GNG2: variants seen among roughly 807,000 people sequenced by gnomAD.
GNG2 encodes the protein G protein subunit gamma 2.
GNG2 carries 5 observed loss-of-function variants against 5.5 expected under a neutral mutation model. The ratio of observed to expected loss-of-function variants is 0.91; its 90% CI spans 0.48 to 1.92. The LOEUF is 1.92. Ranked by LOEUF, GNG2 falls within the 30% of genes most tolerant of loss-of-function variation. GNG2 has a pLI of 0.01. For synonymous variants in GNG2, 28 were observed against 32.0 expected, an observed-to-expected ratio of 0.88 and a Z score of 0.42; for missense variants, 55 against 88.4, an observed-to-expected ratio of 0.62 and a Z score of 1.52.
chr14:51,886,658 G>A (rs1210602502), intron 2 of GNG2, among the ~76,000 whole-genome samples: 3 of 152,182 alleles, frequency 2.0e-5, no homozygotes, highest in Non-Finnish European at 4.4e-5. Context: ...AGTGGGGAGA[G>A]GACCTCCTTA....
chr14:51,943,442 AT>A (rs1414009578), intron 2 of GNG2, among the ~76,000 whole-genome samples: 1 of 152,228 alleles, frequency 6.6e-6, no homozygotes. Flanking sequence ...CAAAGAATAT[AT>A]GATGTGTGTC....
intron 2 of GNG2, among the ~76,000 whole-genome samples, chr14:51,932,981 G>A (rs888285041): frequency 1.3e-5 from 2 of 152,152 alleles, no homozygotes; most frequent in African/African-American, 2.4e-5. Context: ...AAAAGGCCAC[G>A]TGACCACAGA....
intron 2 of GNG2, among the ~76,000 whole-genome samples, chr14:51,831,890 C>T (rs985052882): frequency 5.9e-5 from 9 of 152,306 alleles, no homozygotes; most frequent in African/African-American, 1.7e-4. Context: ...TAAAGATTCT[C>T]TTCTCACTGT....
chr14:51,904,808 G>A (rs947291414), intron 2 of GNG2, among the ~76,000 whole-genome samples: 2 of 152,144 alleles, frequency 1.3e-5, no homozygotes, highest in Admixed American at 6.5e-5. Context: ...GCAAGTTGTC[G>A]ATCAGCTTCA....
intron 2 of GNG2, among the ~76,000 whole-genome samples, chr14:51,850,096 A>C (rs1881837289): frequency 6.6e-6 from 1 of 152,242 alleles, no homozygotes; most frequent in Non-Finnish European, 1.5e-5. Flanking sequence ...TCACGGAATT[A>C]AAACTTTGTT....
At chr14:51,960,064 A>T (rs1253640) in intron 3 of GNG2, among the ~76,000 whole-genome samples, 81,250 of 151,440 alleles carry the variant, frequency 0.54, 22,672 homozygotes, top group East Asian at 0.7. Context: ...ATATCTTCAA[A>T]TATTTTTTCT....
At chr14:51,939,157 G>T (rs1008224149) in intron 2 of GNG2, among the ~76,000 whole-genome samples, 1 of 151,386 alleles carries the variant, frequency 6.6e-6, no homozygotes, top group Non-Finnish European at 1.5e-5. Context: ...TCTTTTTTCC[G>T]TGGAGTGAAC....
intron 2 of GNG2, among the ~76,000 whole-genome samples, chr14:51,895,276 G>A (rs1885121703): frequency 6.6e-6 from 1 of 152,088 alleles, no homozygotes; most frequent in Non-Finnish European, 1.5e-5. Context: ...ATAATGCCAG[G>A]CCAAAATGAT....
intron 2 of GNG2, among the ~76,000 whole-genome samples, chr14:51,910,331 G>A (rs568386071): frequency 1.5e-3 from 227 of 152,312 alleles, no homozygotes; most frequent in African/African-American, 5.3e-3. Flanking sequence ...GGCTAGCTAA[G>A]GAACTGAAAA....
At chr14:51,868,768 G>C (rs759284875) in intron 1 of GNG2, among the ~76,000 whole-genome samples, 3 of 152,120 alleles carry the variant, frequency 2.0e-5, no homozygotes, top group African/African-American at 7.2e-5. Context: ...GCAGCTTTTC[G>C]ATAAACTTTG....
Position 51,832,704 on chromosome 14 carries a change from C to A in GNG2, c.64+4897C>A, listed in dbSNP as rs142831851. ...TGTCCTCACAAGGCAGGCAGGGAAA[C>A]CAAGCTCTCTAGTGTCTCTTCTTAT... is the stretch of plus-strand genomic sequence containing the variant. On this transcript the variant is annotated intron_variant, in intron 2 of 3. Coordinates refer to the GNG2 transcript ENST00000553432. 6.6e-3 allele frequency among the ~76,000 whole-genome samples: 998 copies of A among 152,346 alleles called. 44 individuals carry two copies. Among genetic ancestry groups the A allele is most frequent in the Admixed American group, 0.061 (929 of 15,308 alleles).
At chr14:51,908,114 C>T (rs1489318599) in intron 2 of GNG2, among the ~76,000 whole-genome samples, 1 of 152,238 alleles carries the variant, frequency 6.6e-6, no homozygotes, top group East Asian at 1.9e-4. Flanking sequence ...TTAGCCAGGG[C>T]AGCTGTCATC....
intron 1 of GNG2, among the ~76,000 whole-genome samples, chr14:51,869,998 G>A (rs555107798): frequency 1.4e-4 from 22 of 152,134 alleles, no homozygotes; most frequent in African/African-American, 5.3e-4. Context: ...CCAGCAAAAG[G>A]GTCTGGTTCT....
intron 2 of GNG2, among the ~76,000 whole-genome samples, chr14:51,848,890 C>T (rs1452975696): frequency 2.0e-5 from 3 of 152,128 alleles, no homozygotes; most frequent in Admixed American, 6.5e-5. Context: ...ACTTTCTACC[C>T]GCTGGTCTAA....
chr14:51,940,135 T>C (rs1888231193), intron 2 of GNG2: 2 of 152,230 alleles, frequency 1.3e-5, no homozygotes, highest in African/African-American at 4.8e-5. Context: ...TTTTGGCCTG[T>C]AAAATCTAAT....
At position 51,899,333 on chromosome 14, in the gene GNG2, G is replaced by A. The variant is rs571046853; in HGVS notation, c.-30+21676G>A. On this transcript the variant is annotated intron_variant, in intron 2 of 3. Transcript: ENST00000556766. ...CCAGCCCTACTCCCTTGAGGGTTAG[G>A]CCATCCCTAGCTGGGATGGAACTGA... Among the ~76,000 whole-genome samples, 3 of 152,304 alleles carry A rather than the reference G, an allele frequency of 2.0e-5. No homozygotes were observed. In the South Asian group the frequency reaches 6.2e-4, roughly 32 times the overall value.
chr14:51,963,058 G>T (rs1010188434), intron 3 of GNG2, among the ~76,000 whole-genome samples: 1 of 152,194 alleles, frequency 6.6e-6, no homozygotes. Flanking sequence ...ATAAGATACC[G>T]TATGTAAAGT....
At chr14:51,829,300 C>G (rs1010073540) in intron 2 of GNG2, among the ~76,000 whole-genome samples, 1 of 152,124 alleles carries the variant, frequency 6.6e-6, no homozygotes, top group African/African-American at 2.4e-5. Flanking sequence ...TCCCCAACTC[C>G]CAAAAGTTCT....
chr14:51,911,308 G>C (rs1435655220), intron 2 of GNG2, among the ~76,000 whole-genome samples: 1 of 152,164 alleles, frequency 6.6e-6, no homozygotes, highest in Non-Finnish European at 1.5e-5. Context: ...TTACGGGGTA[G>C]GGAAGGGAAT....
Sources: gnomAD v4.1 joint callset for allele counts (sites outside exome capture counted in the v4.1 genomes callset) on GRCh38, gnomAD v4.1.1 for gene constraint, MANE v1.5 for transcripts, NCBI Gene and HGNC (gene_info 2026-07-23, HGNC 2026-07-21) for gene names.